Variants in HMCN2 observed in about 807,000 individuals in gnomAD.
HMCN2 encodes the protein hemicentin 2.
HMCN2 carries 325 observed loss-of-function variants against 377.5 expected under a neutral mutation model. That is an observed-to-expected ratio of 0.86 (90% CI 0.79 to 0.94). The LOEUF is 0.94. Ranked by LOEUF, HMCN2 falls within the 40% of genes least tolerant of loss-of-function variation. HMCN2 has a pLI of 0.00. For missense variants in HMCN2, 4,543 were observed against 4,725.3 expected (o/e 0.96, Z 1.13); for synonymous variants, 2,007 against 2,046.8 (o/e 0.98, Z 0.53).
At chr9:130,316,050 T>C (rs1329646215) in intron 15 of HMCN2, among the ~76,000 whole-genome samples, 1 of 152,078 alleles carries the variant, frequency 6.6e-6, no homozygotes, top group Non-Finnish European at 1.5e-5. Flanking sequence ...GTCCAGCCTG[T>C]GCCCTGGGAA....
chr9:130,332,060 C>A (rs1332486586), intron 22 of HMCN2, among the ~76,000 whole-genome samples: 5 of 152,158 alleles, frequency 3.3e-5, no homozygotes, highest in African/African-American at 1.2e-4. Flanking sequence ...CAGCTGGGAT[C>A]TGGTGACTTG....
At chr9:130,403,663 C>G in intron 79 of HMCN2, 78 bp from the exon 80 acceptor site, 5 of 1,233,098 alleles carry the variant, frequency 4.1e-6, no homozygotes, top group Non-Finnish European at 5.2e-6. Flanking sequence ...GCCTGTGAGA[C>G]AGAATAGCCC....
rs12352580 is a variant in HMCN2, at chr9:130,422,123, A to T, written c.13232-454A>T. On this transcript the variant is annotated intron_variant, in intron 86 of 97. Transcript: ENST00000683500. This position sits in a 1 kb window ranked among gnomAD's most constrained non-coding sequence, Gnocchi z 4.2. The stretch of plus-strand genomic sequence containing the variant: ...AGGGCAGCCAGGGCCAGCAGCACTG[A>T]TGGAATGGGGCTGTTCAGGTGATGG... Among the ~76,000 whole-genome samples, 5,574 of 152,294 alleles carry T rather than the reference A, an allele frequency of 0.037. 327 individuals carry two copies. The highest frequency in any genetic ancestry group is 0.13 in the African/African-American group (5,226 of 41,566).
intron 22 of HMCN2, among the ~76,000 whole-genome samples, chr9:130,337,283 G>A (rs1838804832): frequency 1.3e-5 from 2 of 152,124 alleles, no homozygotes; most frequent in East Asian, 1.9e-4. Flanking sequence ...CAGCAGGGGT[G>A]GGGGCTCCAC....
At chr9:130,278,024 CCACGA>C (rs880000674) in intron 1 of HMCN2, among the ~76,000 whole-genome samples, 58,675 of 74,304 alleles carry the variant, frequency 0.79, 24,656 homozygotes, top group African/African-American at 0.92. Context: ...ATCACCACCA[CCACGA>C]TCATCACCAC....
chr9:130,400,721 C>T, intron 76 of HMCN2, 62 bp from the exon 77 acceptor site: 1 of 1,198,370 alleles, frequency 8.3e-7, no homozygotes, highest in Non-Finnish European at 1.1e-6. Context: ...TACCCCCTGG[C>T]CCTGTGGCCG....
At chr9:130,363,081 C>G in intron 40 of HMCN2, 91 bp downstream of exon 40, 2 of 958,684 alleles carry the variant, frequency 2.1e-6, no homozygotes, top group Non-Finnish European at 2.5e-6. Flanking sequence ...AGGAGAGAGG[C>G]TGGGTGGATG....
Position 130,414,110 on chromosome 9 carries a change from T to C in HMCN2, c.12961+3458T>C, listed in dbSNP as rs1235901678. Among the ~76,000 whole-genome samples, 1 of 152,064 alleles carries C rather than the reference T, an allele frequency of 6.6e-6. No homozygotes were observed. Among genetic ancestry groups the C allele is most frequent in the Non-Finnish European group, 1.5e-5 (1 of 68,022 alleles). On this transcript the variant is annotated intron_variant, in intron 85 of 97. Coordinates refer to ENST00000683500, the MANE Select transcript of HMCN2 (RefSeq NM_001291815.2). The surrounding 1 kb of genome is among the most constrained non-coding windows in gnomAD (Gnocchi z 4.4). ...CATCATCACACCAACTGGGAGCCTC[T>C]AACTTCCACCCTCGCCCCTGTACCG...
intron 48 of HMCN2, 107 bp from the exon 49 acceptor site, chr9:130,374,395 C>G (rs186103506): frequency 2.1e-6 from 1 of 487,330 alleles, no homozygotes; most frequent in Non-Finnish European, 2.7e-6. Flanking sequence ...GCCTCTGGGC[C>G]GGAATGGAAA....
chr9:130,404,845 G>T (rs1485378378), intron 80 of HMCN2, 24 bp from the exon 81 acceptor site: 1 of 1,210,840 alleles, frequency 8.3e-7, no homozygotes, highest in East Asian at 6.6e-5. Flanking sequence ...CCCCGGTTCC[G>T]AGTGGGCCTC....
At chr9:130,411,888 T>C (rs60216062) in intron 85 of HMCN2, among the ~76,000 whole-genome samples, 5,285 of 145,848 alleles carry the variant, frequency 0.036, 183 homozygotes, top group African/African-American at 0.091. Flanking sequence ...TTGTACAATG[T>C]CAAATACTCA....
rs1174167540 is a variant in HMCN2 at position 130,269,148 on chromosome 9, C to T, written c.259+3011C>T. ...TCGTGGCGGTTCTAGACTGTTCCTG[C>T]TTGGAGACAAACTAAGATCCGTGCT... On this transcript the variant is annotated intron_variant, in intron 1 of 97. Coordinates refer to ENST00000683500, the MANE Select transcript of HMCN2 (RefSeq NM_001291815.2). Among the ~76,000 whole-genome samples the T allele has an allele frequency of 5.3e-4, 78 of 147,952 alleles. 12 individuals are homozygous for T. Among genetic ancestry groups the T allele is most frequent in the Non-Finnish European group, 1.8e-4 (12 of 66,012 alleles).
At chr9:130,375,529 T>A (rs1841327001) in intron 49 of HMCN2, 34 bp from the exon 50 acceptor site, 1 of 984,138 alleles carries the variant, frequency 1.0e-6, no homozygotes, top group African/African-American at 1.7e-5. Flanking sequence ...CAGGGATCTC[T>A]GCTCATAACT....
In HMCN2 at chr9:130,351,722, G is replaced by C. The variant is rs769098958; in HGVS notation, c.4585+145G>C. 8 of 592,376 alleles carry C rather than the reference G, an allele frequency of 1.4e-5. No individual in the cohort carries two copies. Among genetic ancestry groups the C allele is most frequent in the Non-Finnish European group, 2.0e-5 (8 of 407,280 alleles). The allele number at this position is 592,376 out of a possible 1,614,324, so 36.7% of individuals were successfully genotyped here. The stretch of plus-strand genomic sequence containing the variant: ...GAGTCCAAGAAAGCTGGGGGCTGGG[G>C]TCGGGGTTGGGGTCAGGGTCAGGGG... On this transcript the variant is annotated intron_variant, in intron 30 of 97. Transcript: ENST00000683500. The surrounding 1 kb of genome is among the most constrained non-coding windows in gnomAD (Gnocchi z 5.4).
Position 130,404,917 on chromosome 9 carries a change from G to T in HMCN2, c.12197G>T (p.Gly4066Val), listed in dbSNP as rs1346319655. 7.8e-7 allele frequency: 1 copy of T among 1,286,694 alleles called. No homozygotes were observed. The highest frequency in any genetic ancestry group is 1.2e-5 in the South Asian group (1 of 80,202). 79.7% of individuals were successfully genotyped at this position (1,286,694 alleles called of 1,614,324 possible). ...NGLPDLSTTE[G>V]SHAFLPCKAR... ...CTCCCAGACCTGTCCACCACCGAAG[G>T]CTCCCACGCCTTCTTGCCTTGCAAG... The change falls in exon 81 of 98, where the codon GGC becomes GTC. Residue 4066 changes from glycine (G) to valine (V), a missense_variant. By Grantham distance (109) the Gly-to-Val change is moderately radical (BLOSUM62 -3). Coordinates refer to ENST00000683500, the MANE Select transcript of HMCN2 (RefSeq NM_001291815.2).
intron 82 of HMCN2, chr9:130,406,428 G>A: frequency 2.9e-6 from 1 of 343,856 alleles, no homozygotes; most frequent in South Asian, 2.2e-5. Context: ...AGGAAGGGGA[G>A]GCCTGTGTTC....
intron 81 of HMCN2, among the ~76,000 whole-genome samples, chr9:130,405,592 A>G (rs1843052314): frequency 1.3e-5 from 2 of 152,194 alleles, no homozygotes; most frequent in Admixed American, 6.5e-5. Flanking sequence ...CCCTGCTTGA[A>G]TGCACCATAA....
intron 83 of HMCN2, 116 bp from the exon 84 acceptor site, chr9:130,408,627 C>G: frequency 1.8e-6 from 1 of 551,690 alleles, no homozygotes; most frequent in South Asian, 1.9e-5. Flanking sequence ...GCTGTGCTAG[C>G]AGAAGCCTCT....
rs1840871663 is a variant in HMCN2 at position 130,369,095 on chromosome 9, G to A, written c.6788-475G>A. On this transcript the variant is annotated intron_variant, in intron 44 of 97. Coordinates refer to ENST00000683500, the MANE Select transcript of HMCN2 (RefSeq NM_001291815.2). This position sits in a 1 kb window ranked among gnomAD's most constrained non-coding sequence, Gnocchi z 4.5. The stretch of plus-strand genomic sequence containing the variant: ...AGCTGGAAACCCGAAAGAAGCATGA[G>A]TATTATGTGAAGCTCCTATATATGA... Among the ~76,000 whole-genome samples, 2 of 152,124 alleles carry A rather than the reference G, an allele frequency of 1.3e-5. No homozygotes were observed. The highest frequency in any genetic ancestry group is 2.9e-5 in the Non-Finnish European group (2 of 68,038).
Sources: allele counts gnomAD v4.1 joint callset (sites outside exome capture counted in the v4.1 genomes callset), GRCh38; gene constraint gnomAD v4.1.1; non-coding constraint Gnocchi (gnomAD v3.1); transcripts MANE v1.5; gene names NCBI Gene and HGNC (gene_info 2026-07-23, HGNC 2026-07-21).